Variants in BPIFB1 observed in about 807,000 individuals in gnomAD.
BPIFB1 encodes BPI fold containing family B member 1.
BPIFB1 carries 34 observed loss-of-function variants against 55.1 expected under a neutral mutation model. That is an observed-to-expected ratio of 0.62 (90% CI 0.47 to 0.82). The LOEUF (loss-of-function observed/expected upper bound fraction) is 0.82, where lower values mean the gene tolerates loss of function less well. Among genes scored for constraint, BPIFB1 ranks in the 40% least tolerant of loss-of-function variants. BPIFB1 has a pLI of 0.00. For missense variants in BPIFB1, 532 were observed against 593.1 expected (o/e 0.90, Z 1.07); for synonymous variants, 236 against 245.3 (o/e 0.96, Z 0.35).
chr20:33,309,648 T>C lies in BPIFB1; in HGVS notation c.1396-60T>C, dbSNP rs1437080645. The C allele has an allele frequency of 1.3e-6, 2 of 1,555,960 alleles. No homozygotes were observed. Among genetic ancestry groups the C allele is most frequent in the South Asian group, 1.1e-5 (1 of 89,828 alleles). ...CACCTTATGGAGGACAAAACCAGCA[T>C]AAACCACAAGGCAAAAGGTTAAAGA... is the stretch of plus-strand genomic sequence containing the variant. On this transcript the variant is annotated intron_variant, in intron 15 of 15. Coordinates refer to ENST00000253354, the MANE Select transcript of BPIFB1 (RefSeq NM_033197.3). The surrounding 1 kb of genome is among the most constrained non-coding windows in gnomAD (Gnocchi z 4.4).
Position 33,303,954 on chromosome 20 carries a change from G to A in BPIFB1, c.1141-4G>A. The A allele has an allele frequency of 6.2e-7, 1 of 1,613,836 alleles. No individual in the cohort carries two copies. The highest frequency in any genetic ancestry group is 8.5e-7 in the Non-Finnish European group (1 of 1,179,920). On this transcript the variant is annotated splice_region_variant and splice_polypyrimidine_tract_variant and intron_variant, in intron 11 of 15. Coordinates refer to ENST00000253354, the MANE Select transcript of BPIFB1 (RefSeq NM_033197.3). ...CAATGGGGCCTGGGCTTCTCTTGTT[G>A]CAGGAAGCCAGCTCGGAAGCTCAGT...
At chr20:33,288,330 A>G (rs1297334582) in intron 2 of BPIFB1, among the ~76,000 whole-genome samples, 1 of 152,172 alleles carries the variant, frequency 6.6e-6, no homozygotes, top group African/African-American at 2.4e-5. Context: ...TGGATGCCAG[A>G]CAATTGTTAA....
intron 15 of BPIFB1, chr20:33,307,202 A>C: frequency 1.9e-6 from 1 of 529,526 alleles, no homozygotes; most frequent in South Asian, 2.7e-5. Context: ...CACTTTTTCC[A>C]CCCCCTTGTC....
intron 12 of BPIFB1, 63 bp downstream of exon 12, chr20:33,304,088 G>A: frequency 6.7e-7 from 1 of 1,495,538 alleles, no homozygotes; most frequent in Non-Finnish European, 9.2e-7. Flanking sequence ...GGTAACCATG[G>A]GTTTCTTTAA....
At chr20:33,299,117 G>A (rs1228202144) in intron 7 of BPIFB1, 8 of 456,534 alleles carry the variant, frequency 1.8e-5, no homozygotes, top group Non-Finnish European at 3.5e-5. Context: ...TTAAGACGAG[G>A]AAACAGATTC....
rs937152849 is a variant in BPIFB1 at position 33,288,464 on chromosome 20, C to T, written c.116-277C>T. On this transcript the variant is annotated intron_variant, in intron 2 of 15. Coordinates refer to ENST00000253354, the MANE Select transcript of BPIFB1 (RefSeq NM_033197.3). ...CAGGTCCAGGTGCTGAGTGCAGTGG[C>T]CGACACTCCCCACAGAGGCTGGCAA... 2.0e-5 allele frequency among the ~76,000 whole-genome samples: 3 copies of T among 152,152 alleles called. No individual in the cohort carries two copies. The East Asian group carries it at 5.8e-4, about 29-fold the overall frequency.
Position 33,296,804 on chromosome 20 carries a change from G to T in BPIFB1, c.598-721G>T, listed in dbSNP as rs144735200. On this transcript the variant is annotated intron_variant, in intron 6 of 15. Coordinates refer to ENST00000253354, the MANE Select transcript of BPIFB1 (RefSeq NM_033197.3). ...GTGTTGGGCTAGAAAGCCACAAAGG[G>T]CACAAAGAGATTGCCCAGGAGTCTG... is the stretch of plus-strand genomic sequence containing the variant. Among the ~76,000 whole-genome samples, 1,513 of 152,316 alleles carry T rather than the reference G, an allele frequency of 9.9e-3. 24 individuals are homozygous for T. The highest frequency in any genetic ancestry group is 0.033 in the South Asian group (160 of 4,830).
rs750182481 is a variant in BPIFB1, at chr20:33,301,373, G to C, written c.888G>C (p.Val296=). The C allele has an allele frequency of 1.2e-6, 2 of 1,613,994 alleles. No individual in the cohort carries two copies. The highest frequency in any genetic ancestry group is 1.7e-6 in the Non-Finnish European group (2 of 1,180,036). Residue 296 remains valine (V), a synonymous_variant, in exon 9 of 16, where the codon GTG becomes GTC. Transcript: ENST00000253354. ...TGGTGAAAGCTGCAGTGGCTGCTGT[G>C]CTCTCTCCAGAAGAATTCATGGTCC... ...QDVVKAAVAA[V]LSPEEFMVLL...
chr20:33,296,395 T>C (rs541674728), intron 6 of BPIFB1, among the ~76,000 whole-genome samples: 1 of 152,208 alleles, frequency 6.6e-6, no homozygotes, highest in Non-Finnish European at 1.5e-5. Flanking sequence ...AAAGGCATTG[T>C]CATTCCTCAA....
chr20:33,299,762 A>G lies in BPIFB1; in HGVS notation c.662-137A>G. On this transcript the variant is annotated intron_variant, in intron 7 of 15. Transcript: ENST00000253354. ...TGTCATCACTGTTTGCATCATTATT[A>G]TCAACATCATTATTACCTGCTCCTC... is the stretch of plus-strand genomic sequence containing the variant. The G allele has an allele frequency of 7.3e-6, 5 of 682,850 alleles. No individual in the cohort carries two copies. The South Asian group carries it at 8.4e-5, about 12-fold the overall frequency. The allele number at this position is 682,850 out of a possible 1,614,324, so 42.3% of individuals were successfully genotyped here. A position where few individuals can be genotyped will look rare whatever the true frequency, so the allele number is the denominator to read the frequency against.
chr20:33,306,971 A>C lies in BPIFB1; in HGVS notation c.1379A>C (p.Glu460Ala). 1 of 1,614,184 alleles carries C rather than the reference A, an allele frequency of 6.2e-7. No homozygotes were observed. ...LVKALGFEAA[E>A]SSLTKDALVL... ...AAGGCCTTGGGATTCGAGGCAGCTGAGTCCTCACTGACCAAGGTGAGTGGG... is the reference window on the plus strand; with the variant it reads ...AAGGCCTTGGGATTCGAGGCAGCTGCGTCCTCACTGACCAAGGTGAGTGGG... The change falls in exon 15 of 16, where the codon GAG becomes GCG. Residue 460 changes from glutamate (E) to alanine (A), a missense_variant. Transcript: ENST00000253354.
At chr20:33,286,780 G>A (rs529267980) in intron 2 of BPIFB1, among the ~76,000 whole-genome samples, 8 of 152,338 alleles carry the variant, frequency 5.3e-5, no homozygotes, top group African/African-American at 1.9e-4. Context: ...TTATTATGGG[G>A]GGTGTCCTGG....
intron 7 of BPIFB1, chr20:33,299,183 C>G (rs62209751): frequency 2.2e-6 from 1 of 456,506 alleles, no homozygotes; most frequent in Non-Finnish European, 4.4e-6. Flanking sequence ...GTCCAGCTGG[C>G]TCCTCCGCTG....
rs1334877156 is a variant in BPIFB1, at chr20:33,304,878, T to C, written c.1241T>C (p.Ile414Thr). The C allele has an allele frequency of 1.9e-6, 3 of 1,614,020 alleles. No individual in the cohort carries two copies. The highest frequency in any genetic ancestry group is 2.7e-5 in the African/African-American group (2 of 74,902). The change falls in exon 13 of 16, where the codon ATT becomes ACT. Residue 414 changes from isoleucine (I) to threonine (T), a missense_variant. Coordinates refer to ENST00000253354, the MANE Select transcript of BPIFB1 (RefSeq NM_033197.3). ...CGGATCCAGCTGATGAACTCTGGGA[T>C]TGGCTGGTTCCAAGTAAGTGTTAAC... Reference protein sequence around the residue: ...SDRIQLMNSGIGWFQPDVLKN... With the variant: ...SDRIQLMNSGTGWFQPDVLKN...
In BPIFB1 at chr20:33,289,945, G is replaced by A. The variant is rs752255506; in HGVS notation, c.318G>A (p.Gln106=). Residue 106 remains glutamine (Q), a synonymous_variant, in exon 4 of 16, where the codon CAG becomes CAA. Coordinates refer to ENST00000253354, the MANE Select transcript of BPIFB1 (RefSeq NM_033197.3). ...QLQVKPSAND[Q]ELLVKIPLDM... ...AGGTGAAGCCCTCGGCCAATGACCAGGAGCTGCTAGTCAAGATCCCCCTGG... is the reference window on the plus strand; with the variant it reads ...AGGTGAAGCCCTCGGCCAATGACCAAGAGCTGCTAGTCAAGATCCCCCTGG... 2.5e-6 allele frequency: 4 copies of A among 1,614,076 alleles called. No homozygotes were observed. In the African/African-American group the frequency reaches 5.3e-5, roughly 22 times the overall value.
At chr20:33,284,847 C>T (rs1180262934) in intron 1 of BPIFB1, among the ~76,000 whole-genome samples, 1 of 152,178 alleles carries the variant, frequency 6.6e-6, no homozygotes, top group Non-Finnish European at 1.5e-5. Flanking sequence ...AAGCTCCTCT[C>T]CCTGGCATGA....
chr20:33,284,874 T>TCTCTCA (rs1980216219), intron 1 of BPIFB1, among the ~76,000 whole-genome samples: 1 of 152,146 alleles, frequency 6.6e-6, no homozygotes, highest in South Asian at 2.1e-4. Flanking sequence ...GGGCCCTTTC[T>TCTCTCA]CTCTCTCTCT....
chr20:33,304,587 C>G (rs1980959864), intron 12 of BPIFB1, among the ~76,000 whole-genome samples: 1 of 152,174 alleles, frequency 6.6e-6, no homozygotes, highest in African/African-American at 2.4e-5. Flanking sequence ...CTTGGGCCTC[C>G]TTGTCCACCA....
chr20:33,284,385 C>T (rs1011111302), intron 1 of BPIFB1, among the ~76,000 whole-genome samples: 1 of 152,120 alleles, frequency 6.6e-6, no homozygotes, highest in Non-Finnish European at 1.5e-5. Flanking sequence ...TCGGGGCTTC[C>T]AGAGGCTATG....
Sources: gnomAD v4.1 joint callset for allele counts (sites outside exome capture counted in the v4.1 genomes callset) on GRCh38, gnomAD v4.1.1 for gene constraint, Gnocchi (gnomAD v3.1) non-coding constraint, MANE v1.5 for transcripts, NCBI Gene and HGNC (gene_info 2026-07-23, HGNC 2026-07-21) for gene names.